Variants in PCDH20 observed in about 807,000 individuals in gnomAD.
The protein encoded by PCDH20 is protocadherin-20.
A neutral mutation model predicts 39.7 loss-of-function variants in PCDH20; 18 were observed. That is an observed-to-expected ratio of 0.45 (90% confidence interval 0.31 to 0.67). The LOEUF (loss-of-function observed/expected upper bound fraction) is 0.67. PCDH20 is among the 30% of genes least tolerant of loss of function. The pLI, the probability that PCDH20 is intolerant of heterozygous loss-of-function variation, is 0.05. For missense variants in PCDH20, 1,161 were observed against 1,167.4 expected (o/e 0.99, Z 0.08); for synonymous variants, 495 against 455.4 (o/e 1.09, Z -1.11).
At chr13:61,413,790 C>A (rs1242547311) in exon 2 of PCDH20, 1 of 1,613,184 alleles carries the variant, frequency 6.2e-7, no homozygotes, top group Non-Finnish European at 8.5e-7. Flanking sequence ...CTGGCAGCTG[C>A]GACTGCGGGT....
At position 61,413,867 on chromosome 13, in the gene PCDH20, C is replaced by A. The variant is rs954829851; in HGVS notation, c.232G>T (p.Ala78Ser). 4.6e-5 allele frequency: 74 copies of A among 1,613,330 alleles called. No homozygotes were observed. The highest frequency in any genetic ancestry group is 6.7e-5 in the African/African-American group (5 of 74,876). Residue 78 changes from alanine (A) to serine (S), a missense_variant, in exon 2 of 2, where the codon GCG becomes TCG. Ala to Ser is a moderately conservative substitution (Grantham distance 99). Around this residue, in one of 3 missense-constraint regions of PCDH20, gnomAD observed 401 missense variants for 368.7 expected, o/e 1.09. Transcript: ENST00000409204. ...GCCAGGCTGCCGATGAGCACCCCCG[C>A]GGGTAGTCCCTCGTTTAGGCTGTAC...
At chr13:61,411,051 C>A in exon 2 of PCDH20, 2 of 427,298 alleles carry the variant, frequency 4.7e-6, no homozygotes, top group Non-Finnish European at 8.3e-6. Flanking sequence ...TACTAATTTT[C>A]ACTTAAAAAT....
At chr13:61,410,572 C>T (rs1240264266) in exon 2 of PCDH20, 1 of 152,480 alleles carries the variant, frequency 6.6e-6, no homozygotes, top group Non-Finnish European at 1.5e-5. Context: ...AATTCGAGTA[C>T]ACAGAAAGTG....
At chr13:61,413,326 A>T in exon 2 of PCDH20, 1 of 1,614,126 alleles carries the variant, frequency 6.2e-7, no homozygotes, top group Non-Finnish European at 8.5e-7. Context: ...CTCCACGTCC[A>T]GGGTGAACAT....
chr13:61,412,324 G>A (rs778125916), exon 2 of PCDH20: 1 of 1,613,940 alleles, frequency 6.2e-7, no homozygotes, highest in Non-Finnish European at 8.5e-7. Flanking sequence ...AGTAGAAACT[G>A]TCAGAATTCC....
exon 2 of PCDH20, chr13:61,411,345 C>A (rs758095964): frequency 6.2e-7 from 1 of 1,614,030 alleles, no homozygotes; most frequent in South Asian, 1.1e-5. Flanking sequence ...CCCTGGGATG[C>A]TTTTCCCCTT....
At chr13:61,413,711 A>G (rs1410934225) in exon 2 of PCDH20, 7 of 1,613,928 alleles carry the variant, frequency 4.3e-6, no homozygotes, top group Non-Finnish European at 3.4e-6. Flanking sequence ...AGGGTCACGT[A>G]CTGGCCACTC....
intron 1 of PCDH20, among the ~76,000 whole-genome samples, chr13:61,414,196 C>T (rs1871485863): frequency 6.6e-6 from 1 of 152,074 alleles, no homozygotes; most frequent in Non-Finnish European, 1.5e-5. Context: ...CCGCCCCCGC[C>T]TTCCCCCCTC....
Position 61,412,091 on chromosome 13 carries a change from G to A in PCDH20, c.2008C>T (p.Arg670Ter), listed in dbSNP as rs1313291049. ...ACAGAGAGGGCGACCCATCCATTTC[G>A]TCCAGCGTCAGCATCTGTTACACTA... The change falls in exon 2 of 2, where the codon CGA becomes TGA. Residue 670 changes from arginine to a stop codon, truncating the protein, a stop_gained. Coordinates refer to ENST00000409204, the Ensembl canonical transcript of PCDH20. LOFTEE classifies it low-confidence loss of function (END_TRUNC). 10 of 1,613,790 alleles carry A rather than the reference G, an allele frequency of 6.2e-6. No individual in the cohort carries two copies. Among genetic ancestry groups the A allele is most frequent in the South Asian group, 2.2e-5 (2 of 91,052 alleles).
chr13:61,413,938 C>T (rs1379498177), exon 2 of PCDH20: 1 of 1,609,514 alleles, frequency 6.2e-7, no homozygotes, highest in Non-Finnish European at 8.5e-7. Context: ...GCTGAAGGGT[C>T]CCACGAAGAG....
chr13:61,413,700 T>C (rs1204541576), exon 2 of PCDH20: 2 of 1,613,782 alleles, frequency 1.2e-6, no homozygotes, highest in Non-Finnish European at 1.7e-6. Flanking sequence ...AGCGGTTGTC[T>C]AGGGTCACGT....
chr13:61,413,982 G>T lies in PCDH20; in HGVS notation c.133-16C>A. On this transcript the variant is annotated splice_polypyrimidine_tract_variant and intron_variant, in intron 1 of 1. Coordinates refer to ENST00000409204, the Ensembl canonical transcript of PCDH20. The stretch of plus-strand genomic sequence containing the variant: ...GAAACAGATGCTGGAGTTGGGGGAG[G>T]GAAGAAAGCTCATTACACACACGGG... 6.3e-7 allele frequency: 1 copy of T among 1,588,594 alleles called. No homozygotes were observed. The highest frequency in any genetic ancestry group is 1.1e-5 in the South Asian group (1 of 89,160).
exon 2 of PCDH20, chr13:61,411,627 C>T (rs1252974648): frequency 6.2e-7 from 1 of 1,614,082 alleles, no homozygotes; most frequent in Non-Finnish European, 8.5e-7. Context: ...CATGATCACT[C>T]ACTTTCACCA....
rs1398946613 is a variant in PCDH20 at position 61,415,086 on chromosome 13, G to C, written c.73C>G (p.Arg25Gly). 5 of 1,571,486 alleles carry C rather than the reference G, an allele frequency of 3.2e-6. No homozygotes were observed. The highest frequency in any genetic ancestry group is 1.2e-5 in the South Asian group (1 of 85,772). Residue 25 changes from arginine to glycine, a missense_variant, in exon 1 of 2, where the codon CGC becomes GGC. Coordinates refer to ENST00000409204, the Ensembl canonical transcript of PCDH20. ...CGATGTAGACGCCCCATATCCAGGC[G>C]CGGGTGCCAGGTCGCCGGGCACCAG...
At chr13:61,413,202 T>C (rs780679582) in exon 2 of PCDH20, 1 of 1,613,976 alleles carries the variant, frequency 6.2e-7, no homozygotes, top group Non-Finnish European at 8.5e-7. Flanking sequence ...TGCCCAAAAG[T>C]GGTGGAGACC....
At chr13:61,412,346 C>G (rs779912533) in exon 2 of PCDH20, 3 of 1,614,044 alleles carry the variant, frequency 1.9e-6, no homozygotes, top group Non-Finnish European at 2.5e-6. Flanking sequence ...GTGACACTGT[C>G]TAAGGAAAAA....
In PCDH20 at chr13:61,415,486, C is replaced by T. The variant is rs1329914863; in HGVS notation, c.-328G>A. The T allele has an allele frequency of 3.6e-5, 9 of 248,750 alleles. No individual in the cohort carries two copies. In the East Asian group the frequency reaches 6.8e-4, roughly 19 times the overall value. The allele number at this position is 248,750 out of a possible 1,614,324, so 15.4% of individuals were successfully genotyped here. A position where few individuals can be genotyped will look rare whatever the true frequency, so the allele number is the denominator to read the frequency against. ...TGCCGCACCAGTCAGATGCCAAGTC[C>T]ACAGGTTGCTAGCAAGAGAGGGAGA... On this transcript the variant is annotated 5_prime_UTR_variant, in exon 1 of 2. Transcript: ENST00000409204.
At chr13:61,413,526 C>T (rs1347031959) in exon 2 of PCDH20, 2 of 1,613,734 alleles carry the variant, frequency 1.2e-6, no homozygotes, top group African/African-American at 2.7e-5. Context: ...CCTTCACAAA[C>T]CTGAAGTATT....
At chr13:61,412,626 G>A in exon 2 of PCDH20, 1 of 1,614,008 alleles carries the variant, frequency 6.2e-7, no homozygotes, top group South Asian at 1.1e-5. Context: ...TAGGTTTTGT[G>A]GTCTCTAGTA....
Sources: gnomAD v4.1 joint callset for allele counts (sites outside exome capture counted in the v4.1 genomes callset) on GRCh38, gnomAD v4.1.1 for gene constraint, gnomAD v4.1.1 regional missense constraint, MANE v1.5 for transcripts, NCBI Gene and HGNC (gene_info 2026-07-23, HGNC 2026-07-21) for gene names.